The following MCF2 variants were observed in gnomAD, a reference collection of about 807,000 sequenced individuals.
MCF2 encodes the protein proto-oncogene DBL.
Under a neutral mutation model 82.5 loss-of-function variants are expected in MCF2, and 44 were observed. That is an observed-to-expected ratio of 0.53 (90% CI 0.42 to 0.69). The LOEUF is 0.69. MCF2 is among the 30% of genes least tolerant of loss of function. The probability of loss-of-function intolerance (pLI) is 0.00; values close to 1 mark genes in which losing one functional copy is unlikely to be tolerated. For missense variants in MCF2, 623 were observed against 663.1 expected (o/e 0.94, Z 0.66); for synonymous variants, 217 against 224.9 (o/e 0.96, Z 0.32).
intron 12 of MCF2, 78 bp downstream of exon 16, chrX:139,607,613 T>C (rs1439477485): frequency 1.5e-6 from 1 of 675,058 alleles, no homozygotes; most frequent in African/African-American, 2.2e-5. Context: ...AAATTTCTAA[T>C]CACATTGGCC....
exon 4 of MCF2, chrX:139,629,739 CTAT>C (rs1379501904): frequency 8.3e-7 from 1 of 1,206,423 alleles, no homozygotes. Context: ...AGAATTTCTT[CTAT>C]TGAGGGAATA....
intron 2 of MCF2, among the ~76,000 whole-genome samples, chrX:139,648,205 C>G (rs1198277865): frequency 9.1e-6 from 1 of 110,170 alleles, no homozygotes; most frequent in Non-Finnish European, 1.9e-5. Flanking sequence ...AACCCTGTCT[C>G]TACCAAAAAT....
intron 3 of MCF2, among the ~76,000 whole-genome samples, chrX:139,631,114 A>G (rs1268430825): frequency 1.8e-5 from 2 of 111,617 alleles, no homozygotes; most frequent in Non-Finnish European, 3.8e-5. Flanking sequence ...TCAAGTTACT[A>G]TATAGCCACA....
chrX:139,662,790 C>A (rs1325580900), intron 1 of MCF2, among the ~76,000 whole-genome samples: 2 of 110,729 alleles, frequency 1.8e-5, no homozygotes, highest in Non-Finnish European at 3.8e-5. Context: ...TCTCTTCACC[C>A]TCCCCCTTCT....
At chrX:139,667,136 A>G (rs753583815) in intron 1 of MCF2, among the ~76,000 whole-genome samples, 1 of 107,441 alleles carries the variant, frequency 9.3e-6, no homozygotes, top group South Asian at 4.0e-4. Context: ...ACTTCTTTGT[A>G]TTATTTTTCA....
At chrX:139,693,756 A>G (rs1265307788) in intron 1 of MCF2, among the ~76,000 whole-genome samples, 1 of 111,529 alleles carries the variant, frequency 9.0e-6, no homozygotes, top group Non-Finnish European at 1.9e-5. Context: ...TTGTTGTAAA[A>G]TAAGTTAAAA....
upstream of MCF2, among the ~76,000 whole-genome samples, chrX:139,645,981 CATGATA>C (rs1253116024): frequency 9.0e-6 from 1 of 111,594 alleles, no homozygotes; most frequent in Non-Finnish European, 1.9e-5. Context: ...AAGTGTCCTT[CATGATA>C]TCAGATTTAA....
intron 2 of MCF2, 123 bp downstream of exon 5, chrX:139,632,212 T>C (rs1235725308): frequency 1.5e-5 from 7 of 459,673 alleles, no homozygotes; most frequent in Non-Finnish European, 2.2e-5. Context: ...AAATGTATAC[T>C]TTTAAAAGAC....
chrX:139,668,700 G>A (rs779163366), intron 1 of MCF2, among the ~76,000 whole-genome samples: 13 of 111,395 alleles, frequency 1.2e-4, no homozygotes, highest in Non-Finnish European at 2.3e-4. Context: ...TTGTCTATAC[G>A]CTATTTTGGT....
chrX:139,704,591 T>C (rs1935558202), intron 1 of MCF2, among the ~76,000 whole-genome samples: 1 of 110,705 alleles, frequency 9.0e-6, no homozygotes, highest in African/African-American at 3.3e-5. Flanking sequence ...CAATAACCTG[T>C]GGAAATGAAA....
chrX:139,655,467 C>T (rs760108726), intron 1 of MCF2, among the ~76,000 whole-genome samples: 7 of 111,475 alleles, frequency 6.3e-5, no homozygotes, highest in African/African-American at 2.3e-4. Context: ...GACTTTTGTA[C>T]GTTGATTTCG....
intron 19 of MCF2, among the ~76,000 whole-genome samples, chrX:139,595,635 A>C (rs1930008019): frequency 9.4e-6 from 1 of 106,111 alleles, no homozygotes. Context: ...CTAAATGATG[A>C]GTTAATGGGT....
At chrX:139,604,308 T>G (rs1184563420) in intron 15 of MCF2, among the ~76,000 whole-genome samples, 1 of 82,008 alleles carries the variant, frequency 1.2e-5, no homozygotes, top group East Asian at 3.1e-4. Context: ...AATAATAAGG[T>G]GTTTTTTAGG....
intron 1 of MCF2, among the ~76,000 whole-genome samples, chrX:139,707,015 G>A (rs1392400748): frequency 9.1e-6 from 1 of 110,304 alleles, no homozygotes; most frequent in Non-Finnish European, 1.9e-5. Context: ...AGGAAATAAT[G>A]ATCCGATACA....
intron 1 of MCF2, among the ~76,000 whole-genome samples, chrX:139,641,184 A>G (rs1432707895): frequency 9.4e-6 from 1 of 106,732 alleles, no homozygotes; most frequent in Non-Finnish European, 1.9e-5. Flanking sequence ...ATATATATAA[A>G]TATATATATA....
At chrX:139,609,362 T>C (rs1231683176) in intron 11 of MCF2, among the ~76,000 whole-genome samples, 1 of 111,774 alleles carries the variant, frequency 8.9e-6, no homozygotes, top group Non-Finnish European at 1.9e-5. Flanking sequence ...CTTGGCAACA[T>C]AGCAAGACCC....
At chrX:139,693,463 G>A (rs1168388659) in intron 1 of MCF2, among the ~76,000 whole-genome samples, 2 of 90,493 alleles carry the variant, frequency 2.2e-5, no homozygotes, top group East Asian at 7.1e-4. Context: ...AAGTGCAAAA[G>A]GCAGAGTGAG....
chrX:139,653,841 A>G lies in MCF2; in HGVS notation c.-44-2053T>C, dbSNP rs752722626. Reference sequence around the variant, plus strand: ...TCTGGTAACCACCAATCTACTCTCTATCTTCATGAGATCCATTTTTTTAGC... The same window carrying G: ...TCTGGTAACCACCAATCTACTCTCTGTCTTCATGAGATCCATTTTTTTAGC... On this transcript the variant is annotated intron_variant, in intron 1 of 27. Coordinates refer to the MCF2 transcript ENST00000414978. 3.6e-3 allele frequency among the ~76,000 whole-genome samples: 396 copies of G among 110,008 alleles called. 1 individual carries two copies. The highest frequency in any genetic ancestry group is 5.7e-3 in the Non-Finnish European group (303 of 52,740).
intron 6 of MCF2, among the ~76,000 whole-genome samples, chrX:139,624,738 G>A (rs1203761154): frequency 1.8e-5 from 2 of 110,606 alleles, no homozygotes; most frequent in Non-Finnish European, 3.8e-5. Context: ...AAATACCAAT[G>A]GTAGATAATA....
Sources: gnomAD v4.1 joint callset for allele counts (sites outside exome capture counted in the v4.1 genomes callset) on GRCh38, gnomAD v4.1.1 for gene constraint, MANE v1.5 for transcripts, NCBI Gene and HGNC (gene_info 2026-07-23, HGNC 2026-07-21) for gene names.